Variants in PTPRT observed in about 807,000 individuals in gnomAD.
PTPRT encodes protein tyrosine phosphatase receptor type T.
Under a neutral mutation model 176.8 loss-of-function variants are expected in PTPRT, and 56 were observed. That is an observed-to-expected ratio of 0.32 (90% CI 0.26 to 0.40). The LOEUF is 0.40. Ranked by LOEUF, PTPRT falls within the 10% of genes least tolerant of loss-of-function variation. The pLI, the probability that PTPRT is intolerant of heterozygous loss-of-function variation, is 1.00. For synonymous variants in PTPRT, 783 were observed against 739.0 expected (o/e 1.06, Z -0.96); for missense variants, 1,540 against 1,908.2 (o/e 0.81, Z 3.60).
At position 43,131,559 on chromosome 20, in the gene PTPRT, T is replaced by A. The variant is rs1029084564; in HGVS notation, c.88+58087A>T. 5.9e-5 allele frequency among the ~76,000 whole-genome samples: 9 copies of A among 152,248 alleles called. No individual in the cohort carries two copies. The East Asian group carries it at 1.7e-3, about 29-fold the overall frequency. On this transcript the variant is annotated intron_variant, in intron 1 of 30. Coordinates refer to ENST00000373187, the MANE Select transcript of PTPRT (RefSeq NM_007050.6). Reference sequence around the variant, plus strand: ...TAAAAAGTTACTTACTTACTTTCTATTTCTTTTAAGTATCCTCTGTCTTGT... The same window carrying A: ...TAAAAAGTTACTTACTTACTTTCTAATTCTTTTAAGTATCCTCTGTCTTGT...
chr20:42,438,636 C>T (rs1287465485), intron 9 of PTPRT, among the ~76,000 whole-genome samples: 2 of 152,076 alleles, frequency 1.3e-5, no homozygotes, highest in Non-Finnish European at 2.9e-5. Context: ...AAAACATATG[C>T]TCATACACAC....
intron 7 of PTPRT, among the ~76,000 whole-genome samples, chr20:42,615,349 CG>C (rs1374138376): frequency 2.2e-5 from 3 of 134,080 alleles, no homozygotes; most frequent in Non-Finnish European, 4.6e-5. Flanking sequence ...TTGGACATTT[CG>C]GTTGGTTCCA....
chr20:42,907,584 T>A (rs1476327617), intron 1 of PTPRT, among the ~76,000 whole-genome samples: 1 of 152,024 alleles, frequency 6.6e-6, no homozygotes, highest in Non-Finnish European at 1.5e-5. Flanking sequence ...CAGTATGAGA[T>A]GAAGTGGAGG....
At chr20:42,825,718 T>C (rs989831414) in intron 2 of PTPRT, among the ~76,000 whole-genome samples, 3 of 152,064 alleles carry the variant, frequency 2.0e-5, no homozygotes, top group African/African-American at 7.2e-5. Context: ...CAAACCCATA[T>C]ATACCAAGAG....
rs2074004174 is a variant in PTPRT, at chr20:42,613,212, T to C, written c.1153+64654A>G. On this transcript the variant is annotated intron_variant, in intron 7 of 30. Transcript: ENST00000373187. ...AACATAATTTACAGCCCAATGGCTT[T>C]CTGGCAGTGAGCACTTTTTCATTCA... is the stretch of plus-strand genomic sequence containing the variant. Among the ~76,000 whole-genome samples, 3 of 152,354 alleles carry C rather than the reference T, an allele frequency of 2.0e-5. No individual in the cohort carries two copies. In the South Asian group the frequency reaches 6.2e-4, roughly 32 times the overall value.
intron 12 of PTPRT, among the ~76,000 whole-genome samples, chr20:42,282,848 A>T (rs1464924884): frequency 6.6e-6 from 1 of 152,108 alleles, no homozygotes; most frequent in African/African-American, 2.4e-5. Context: ...AATAACACGT[A>T]GTGGGTACTT....
chr20:42,678,141 G>A lies in PTPRT; in HGVS notation c.878C>T (p.Ala293Val), dbSNP rs2075540559. 6.2e-7 allele frequency: 1 copy of A among 1,613,826 alleles called. No individual in the cohort carries two copies. The highest frequency in any genetic ancestry group is 8.5e-7 in the Non-Finnish European group (1 of 1,179,832). Residue 293 changes from alanine to valine, a missense_variant, in exon 7 of 31, where the codon GCT becomes GTT. Physicochemically the swap from Ala to Val is moderately conservative, Grantham distance 64 (BLOSUM62 0). Around this residue, in one of 11 missense-constraint regions of PTPRT, gnomAD observed 273 missense variants for 432.1 expected, o/e 0.63. Coordinates refer to ENST00000373187, the MANE Select transcript of PTPRT (RefSeq NM_007050.6). ...LIVKEPPTPI[A>V]PPELLAVGAT... ...CCCCACAGCCAGCAGCTCTGGGGGA[G>A]CAATGGGCGTGGGAGGCTCTGTAAG...
chr20:42,709,776 G>A (rs539045421), intron 6 of PTPRT, among the ~76,000 whole-genome samples: 27 of 152,270 alleles, frequency 1.8e-4, no homozygotes, highest in Admixed American at 3.3e-4. Context: ...AGTTTGGAAC[G>A]TCTTAGAGAC....
intron 1 of PTPRT, among the ~76,000 whole-genome samples, chr20:42,905,742 A>G (rs886197936): frequency 6.6e-5 from 10 of 152,210 alleles, no homozygotes; most frequent in Non-Finnish European, 1.5e-4. Flanking sequence ...CAGCCATAAA[A>G]AAGGATGAGT....
chr20:42,845,885 C>A (rs1457632656), intron 2 of PTPRT, among the ~76,000 whole-genome samples: 1 of 152,146 alleles, frequency 6.6e-6, no homozygotes, highest in Non-Finnish European at 1.5e-5. Context: ...AGGGTTAAAC[C>A]CAGGGGTGCC....
intron 7 of PTPRT, among the ~76,000 whole-genome samples, chr20:42,675,553 G>A (rs1188913381): frequency 2.0e-5 from 3 of 152,194 alleles, no homozygotes; most frequent in Non-Finnish European, 4.4e-5. Flanking sequence ...GACTCCAAAT[G>A]TATATGCTAT....
chr20:42,242,919 GA>G (rs1661662264), intron 14 of PTPRT, among the ~76,000 whole-genome samples: 1 of 152,004 alleles, frequency 6.6e-6, no homozygotes, highest in South Asian at 2.1e-4. Flanking sequence ...CTACAGTATG[GA>G]GGATAGGTTA....
chr20:43,121,507 G>T (rs2013257042), intron 1 of PTPRT, among the ~76,000 whole-genome samples: 2 of 152,196 alleles, frequency 1.3e-5, no homozygotes, highest in Admixed American at 1.3e-4. Context: ...ATCAGTTAAT[G>T]AATCTGGTGG....
chr20:42,215,542 A>G (rs1425335603), intron 15 of PTPRT, among the ~76,000 whole-genome samples: 1 of 152,148 alleles, frequency 6.6e-6, no homozygotes, highest in Admixed American at 6.6e-5. Flanking sequence ...CTGCTTCCCA[A>G]GATGAGCACT....
At chr20:42,460,915 C>T (rs1005635516) in intron 8 of PTPRT, among the ~76,000 whole-genome samples, 2 of 152,178 alleles carry the variant, frequency 1.3e-5, no homozygotes, top group Non-Finnish European at 1.5e-5. Flanking sequence ...TTAAAAGGAA[C>T]CAGCAAACTG....
chr20:42,843,389 G>A (rs1458168062), intron 2 of PTPRT, among the ~76,000 whole-genome samples: 2 of 151,946 alleles, frequency 1.3e-5, no homozygotes, highest in Non-Finnish European at 2.9e-5. Context: ...CTCCCACCAC[G>A]GCCTCTGCTG....
intron 12 of PTPRT, among the ~76,000 whole-genome samples, chr20:42,288,088 C>A (rs749574185): frequency 6.6e-6 from 1 of 151,904 alleles, no homozygotes; most frequent in African/African-American, 2.4e-5. Context: ...ATAATTCTTG[C>A]ACAATTAATT....
Position 42,643,928 on chromosome 20 carries a change from C to A in PTPRT, c.1153+33938G>T, listed in dbSNP as rs553118787. On this transcript the variant is annotated intron_variant, in intron 7 of 30. Coordinates refer to ENST00000373187, the MANE Select transcript of PTPRT (RefSeq NM_007050.6). ...CTTATGGCTCCTTCTCCTTCTTTGA[C>A]AAGGTGCTCTGGGAAGAGAGAACAC... is the stretch of plus-strand genomic sequence containing the variant. 4.0e-5 allele frequency among the ~76,000 whole-genome samples: 6 copies of A among 151,386 alleles called. No individual in the cohort carries two copies. In the South Asian group the frequency reaches 1.2e-3, roughly 31 times the overall value.
At chr20:42,828,689 T>C (rs1329326526) in intron 2 of PTPRT, among the ~76,000 whole-genome samples, 2 of 152,188 alleles carry the variant, frequency 1.3e-5, no homozygotes, top group African/African-American at 4.8e-5. Flanking sequence ...GCTCAGGCTA[T>C]GGCTTAAGAG....
Sources: allele counts gnomAD v4.1 joint callset (sites outside exome capture counted in the v4.1 genomes callset), GRCh38; gene constraint gnomAD v4.1.1; regional missense constraint gnomAD v4.1.1; transcripts MANE v1.5; gene names NCBI Gene and HGNC (gene_info 2026-07-23, HGNC 2026-07-21).